Variants in CNTNAP2 observed in about 807,000 individuals in gnomAD.
CNTNAP2 encodes the protein contactin-associated protein-like 2.
Under a neutral mutation model 155.2 loss-of-function variants are expected in CNTNAP2, and 98 were observed. That is an observed-to-expected ratio of 0.63 (90% CI 0.54 to 0.75). The LOEUF is 0.75. CNTNAP2 is among the 30% of genes least tolerant of loss of function. CNTNAP2 has a pLI of 0.00. For missense variants in CNTNAP2, 1,727 were observed against 1,688.1 expected (o/e 1.02, Z -0.40); for synonymous variants, 651 against 631.2 (o/e 1.03, Z -0.47).
chr7:147,352,038 A>G (rs1435696283), intron 9 of CNTNAP2, among the ~76,000 whole-genome samples: 2 of 151,984 alleles, frequency 1.3e-5, no homozygotes, highest in African/African-American at 2.4e-5. Flanking sequence ...TTAGCTGATA[A>G]AACAAATGAA....
intron 3 of CNTNAP2, among the ~76,000 whole-genome samples, chr7:147,038,202 T>C (rs1236957550): frequency 2.0e-5 from 3 of 152,138 alleles, no homozygotes; most frequent in Non-Finnish European, 2.9e-5. Flanking sequence ...GCACAAACTA[T>C]TGATTTTGAG....
intron 14 of CNTNAP2, among the ~76,000 whole-genome samples, chr7:147,974,117 T>G (rs977456298): frequency 6.6e-6 from 1 of 152,216 alleles, no homozygotes; most frequent in African/African-American, 2.4e-5. Flanking sequence ...ATTTATAAAA[T>G]TATTACAAAC....
At chr7:147,514,823 C>T (rs560445345) in intron 11 of CNTNAP2, among the ~76,000 whole-genome samples, 13 of 152,240 alleles carry the variant, frequency 8.5e-5, no homozygotes, top group African/African-American at 1.9e-4. Flanking sequence ...ACTCTATCAC[C>T]GCCATTCTGG....
At chr7:146,951,972 A>T (rs2129228106) in intron 3 of CNTNAP2, among the ~76,000 whole-genome samples, 1 of 152,122 alleles carries the variant, frequency 6.6e-6, no homozygotes, top group Non-Finnish European at 1.5e-5. Flanking sequence ...TGGCAGAGAC[A>T]TAACAAAAGA....
intron 18 of CNTNAP2, among the ~76,000 whole-genome samples, chr7:148,203,429 T>C (rs570487807): frequency 2.6e-4 from 40 of 152,352 alleles, no homozygotes; most frequent in Middle Eastern, 3.4e-3. Flanking sequence ...GGAAGTATTA[T>C]ATTTTGAATG....
At chr7:147,325,955 C>T (rs1185719414) in intron 9 of CNTNAP2, among the ~76,000 whole-genome samples, 1 of 152,112 alleles carries the variant, frequency 6.6e-6, no homozygotes, top group African/African-American at 2.4e-5. Context: ...CAGAGTCTTG[C>T]TCTGTAGCCC....
intron 13 of CNTNAP2, among the ~76,000 whole-genome samples, chr7:147,690,577 TTAA>T (rs1378763340): frequency 6.8e-6 from 1 of 147,582 alleles, no homozygotes. Context: ...ACACAAATAA[TTAA>T]TCTTAATATA....
intron 13 of CNTNAP2, among the ~76,000 whole-genome samples, chr7:147,774,694 C>G (rs1797530864): frequency 1.3e-5 from 2 of 152,104 alleles, no homozygotes; most frequent in Non-Finnish European, 2.9e-5. Context: ...GGGAGAGAGC[C>G]CTCACCAGGA....
At chr7:147,051,977 C>A (rs1347001045) in intron 4 of CNTNAP2, among the ~76,000 whole-genome samples, 1 of 152,026 alleles carries the variant, frequency 6.6e-6, no homozygotes, top group African/African-American at 2.4e-5. Flanking sequence ...TTTTATGCTC[C>A]AAATATGAAT....
chr7:146,779,979 T>C (rs1802454670), intron 2 of CNTNAP2, among the ~76,000 whole-genome samples: 1 of 152,192 alleles, frequency 6.6e-6, no homozygotes, highest in Non-Finnish European at 1.5e-5. Flanking sequence ...TTACCTTTCC[T>C]TAAAAGACAC....
At chr7:147,215,092 C>T (rs1803237451) in intron 8 of CNTNAP2, among the ~76,000 whole-genome samples, 2 of 152,178 alleles carry the variant, frequency 1.3e-5, no homozygotes, top group South Asian at 4.2e-4. Context: ...GTCCCTGCCT[C>T]AACATGTGAG....
At chr7:146,654,440 A>T (rs975753778) in intron 1 of CNTNAP2, among the ~76,000 whole-genome samples, 2 of 152,178 alleles carry the variant, frequency 1.3e-5, no homozygotes, top group Admixed American at 1.3e-4. Flanking sequence ...ATTGAAAGAC[A>T]AGTAGACTAA....
At chr7:147,960,894 G>C (rs1801108376) in intron 14 of CNTNAP2, among the ~76,000 whole-genome samples, 1 of 151,486 alleles carries the variant, frequency 6.6e-6, no homozygotes, top group Non-Finnish European at 1.5e-5. Flanking sequence ...TTCTTTCCCA[G>C]AAATCATGGT....
chr7:147,617,720 C>G (rs544534055), intron 12 of CNTNAP2, among the ~76,000 whole-genome samples: 1 of 152,232 alleles, frequency 6.6e-6, no homozygotes, highest in South Asian at 2.1e-4. Context: ...GCCACTATCT[C>G]TTAGTATTGT....
intron 18 of CNTNAP2, among the ~76,000 whole-genome samples, chr7:148,181,634 G>A (rs150716769): frequency 7.9e-5 from 12 of 151,144 alleles, no homozygotes; most frequent in African/African-American, 2.7e-4. Context: ...AAAATTCAGT[G>A]CAGAAAAAGC....
At chr7:146,993,324 G>A (rs1018079944) in intron 3 of CNTNAP2, among the ~76,000 whole-genome samples, 11 of 152,110 alleles carry the variant, frequency 7.2e-5, no homozygotes, top group African/African-American at 2.7e-4. Context: ...AGTGCAGTGT[G>A]TTTACTGGAC....
At chr7:146,441,100 C>T (rs1200542991) in intron 1 of CNTNAP2, among the ~76,000 whole-genome samples, 9 of 151,366 alleles carry the variant, frequency 5.9e-5, no homozygotes, top group Non-Finnish European at 1.3e-4. Context: ...GAGAGATGAA[C>T]GAGGTGATCA....
chr7:147,408,561 C>T (rs548673248), intron 10 of CNTNAP2, among the ~76,000 whole-genome samples: 11 of 152,288 alleles, frequency 7.2e-5, no homozygotes, highest in Non-Finnish European at 1.6e-4. Context: ...GAGATCGAGA[C>T]CATCCTGGCT....
Position 147,588,767 on chromosome 7 carries a change from A to C in CNTNAP2, c.1897+26510A>C, listed in dbSNP as rs115876499. Among the ~76,000 whole-genome samples the C allele has an allele frequency of 6.1e-3, 927 of 152,310 alleles. 9 individuals are homozygous for C. Among genetic ancestry groups the C allele is most frequent in the African/African-American group, 0.021 (859 of 41,572 alleles). On this transcript the variant is annotated intron_variant, in intron 12 of 23. Coordinates refer to ENST00000361727, the MANE Select transcript of CNTNAP2 (RefSeq NM_014141.6). ...TTATAGGAATTATGGTATAGCATCA[A>C]TAATTCACACAACCTCACAACAAGT...
Sources: gnomAD v4.1 joint callset for allele counts (sites outside exome capture counted in the v4.1 genomes callset) on GRCh38, gnomAD v4.1.1 for gene constraint, MANE v1.5 for transcripts, NCBI Gene and HGNC (gene_info 2026-07-23, HGNC 2026-07-21) for gene names.